Variants in NUGGC observed in about 807,000 individuals in gnomAD.
NUGGC encodes nuclear GTPase, germinal center associated, also known as nuclear GTPase SLIP-GC.
Under a neutral mutation model 92.6 loss-of-function variants are expected in NUGGC, and 58 were observed. The observed-to-expected ratio is 0.63, with a 90% confidence interval of 0.51 to 0.78. NUGGC has a LOEUF of 0.78. NUGGC is among the 30% of genes least tolerant of loss of function. The pLI is 0.00. For missense variants in NUGGC, 925 were observed against 964.6 expected, an observed-to-expected ratio of 0.96 and a Z score of 0.54; for synonymous variants, 376 against 366.4, an observed-to-expected ratio of 1.03 and a Z score of -0.30.
chr8:28,070,377 T>C (rs1169130785), intron 2 of NUGGC, 21 bp from the exon 3 acceptor site: 1 of 1,262,490 alleles, frequency 7.9e-7, no homozygotes, highest in Non-Finnish European at 1.1e-6. Context: ...ACAGAGGATA[T>C]ATAAGATTAT....
chr8:28,052,156 C>T (rs1313580000), intron 10 of NUGGC, among the ~76,000 whole-genome samples: 2 of 152,124 alleles, frequency 1.3e-5, no homozygotes, highest in Admixed American at 6.6e-5. Context: ...CATTGTGATC[C>T]CCAATCTTCA....
intron 1 of NUGGC, among the ~76,000 whole-genome samples, chr8:28,076,326 T>C (rs1439880784): frequency 6.6e-6 from 1 of 152,190 alleles, no homozygotes; most frequent in Non-Finnish European, 1.5e-5. Context: ...TGTGACAGAG[T>C]CTTGCTCTGT....
rs1312876963 is a variant in NUGGC, at chr8:28,068,399, G to T, written c.297C>A (p.Asp99Glu). 1 of 1,580,054 alleles carries T rather than the reference G, an allele frequency of 6.3e-7. No homozygotes were observed. Among genetic ancestry groups the T allele is most frequent in the Non-Finnish European group, 8.6e-7 (1 of 1,161,992 alleles). Residue 99 changes from aspartate to glutamate, a missense_variant, in exon 5 of 19, where the codon GAC becomes GAA. Coordinates refer to ENST00000413272, the MANE Select transcript of NUGGC (RefSeq NM_001010906.2). The stretch of plus-strand genomic sequence containing the variant: ...TTCCAAATAATGCAATGTAGATTGG[G>T]TCCACTGTCGGCTTTTCAATCAAGG... The part of the protein sequence containing the change: ...LLALIEKPTV[D>E]PIYIALFGST...
intron 13 of NUGGC, among the ~76,000 whole-genome samples, chr8:28,037,964 C>A (rs1809597905): frequency 6.6e-6 from 1 of 152,168 alleles, no homozygotes; most frequent in Non-Finnish European, 1.5e-5. Flanking sequence ...GGTTAACAAA[C>A]CCTGCTCCAG....
chr8:28,074,325 C>T (rs1305352265), intron 2 of NUGGC, 43 bp downstream of exon 2: 2 of 1,339,686 alleles, frequency 1.5e-6, no homozygotes, highest in African/African-American at 2.9e-5. Context: ...TATCAGTAAT[C>T]AGTTCCTATA....
chr8:28,069,602 T>C lies in NUGGC; in HGVS notation c.199A>G (p.Lys67Glu). Residue 67 changes from lysine to glutamate, a missense_variant, in exon 4 of 19, where the codon AAA (lysine) becomes GAA (glutamate). Transcript: ENST00000413272. ...TCCAGGAAGACAGACTGAATAAGTT[T>C]CTGATAAGTGTTGCTCAAAACCCTT... The part of the protein sequence containing the change: ...TRRVLSNTYQ[K>E]LIQSVFLDDS... The C allele has an allele frequency of 6.2e-7, 1 of 1,612,718 alleles. No individual in the cohort carries two copies.
At chr8:28,053,621 T>C (rs761187569) in intron 10 of NUGGC, among the ~76,000 whole-genome samples, 1 of 152,194 alleles carries the variant, frequency 6.6e-6, no homozygotes, top group African/African-American at 2.4e-5. Flanking sequence ...TCAGAAGAAC[T>C]TGCACCATAG....
At chr8:28,049,164 C>T (rs1585573859) in intron 10 of NUGGC, among the ~76,000 whole-genome samples, 2 of 152,180 alleles carry the variant, frequency 1.3e-5, no homozygotes, top group Admixed American at 6.5e-5. Context: ...GGTGAGAAGC[C>T]GTGTCCCTGG....
rs1000057778 is a variant in NUGGC at position 28,056,136 on chromosome 8, C to A, written c.1117-82G>T. 9.2e-6 allele frequency: 7 copies of A among 758,808 alleles called. No individual in the cohort carries two copies. The African/African-American group carries it at 1.2e-4, about 13-fold the overall frequency. 47.0% of individuals were successfully genotyped at this position (758,808 alleles called of 1,614,324 possible). On this transcript the variant is annotated intron_variant, in intron 9 of 18. Coordinates refer to ENST00000413272, the MANE Select transcript of NUGGC (RefSeq NM_001010906.2). The stretch of plus-strand genomic sequence containing the variant: ...GGTGGCAAGATGCACATTTTTTTGG[C>A]AGATTTTCATTTGGTCCAAACAGTC...
intron 8 of NUGGC, 87 bp from the exon 9 acceptor site, chr8:28,058,363 C>A (rs1023684010): frequency 7.3e-6 from 2 of 273,484 alleles, no homozygotes. Context: ...AAGCAGCACA[C>A]ACTCCCTGTG....
At chr8:28,031,971 C>G (rs1252751240) in intron 14 of NUGGC, among the ~76,000 whole-genome samples, 2 of 152,194 alleles carry the variant, frequency 1.3e-5, no homozygotes, top group African/African-American at 4.8e-5. Context: ...TGTAAAAAGA[C>G]AGAAGCCACT....
At position 28,060,551 on chromosome 8, in the gene NUGGC, A is replaced by G; in HGVS notation, c.972T>C (p.Val324=). The G allele has an allele frequency of 6.2e-7, 1 of 1,613,690 alleles. No individual in the cohort carries two copies. The highest frequency in any genetic ancestry group is 8.5e-7 in the Non-Finnish European group (1 of 1,179,784). Residue 324 remains valine, a synonymous_variant, in exon 8 of 19, where the codon GTT becomes GTC. Coordinates refer to ENST00000413272, the MANE Select transcript of NUGGC (RefSeq NM_001010906.2). ...VIWVISDIER[V]SGGQAHEDLL... ...GGTCTTCGTGGGCTTGCCCCCCAGA[A>G]ACTCGCTCTATGTCGCTGATCACCC...
rs572204120 is a variant in NUGGC at position 28,067,691 on chromosome 8, C to A, written c.534G>T (p.Glu178Asp). 1 of 1,614,012 alleles carries A rather than the reference C, an allele frequency of 6.2e-7. No homozygotes were observed. The highest frequency in any genetic ancestry group is 1.3e-5 in the African/African-American group (1 of 75,070). Residue 178 changes from glutamate (E) to aspartate (D), a missense_variant, in exon 6 of 19, where the codon GAG becomes GAT. Coordinates refer to ENST00000413272, the MANE Select transcript of NUGGC (RefSeq NM_001010906.2). ...NLTKLLHRTE[E>D]LSREEADAWN... ...ACGCATCTGCCTCTTCTCTGCTCAGCTCCTCCGTCCTATGCAGGAGTTTGG... is the reference window on the plus strand; with the variant it reads ...ACGCATCTGCCTCTTCTCTGCTCAGATCCTCCGTCCTATGCAGGAGTTTGG...
chr8:28,078,765 G>A (rs1443979673), intron 1 of NUGGC, among the ~76,000 whole-genome samples: 1 of 152,124 alleles, frequency 6.6e-6, no homozygotes, highest in Non-Finnish European at 1.5e-5. Flanking sequence ...TTGTATTAAG[G>A]AGAAAATGAG....
chr8:28,042,126 T>C (rs1230392798), intron 12 of NUGGC, among the ~76,000 whole-genome samples: 1 of 152,166 alleles, frequency 6.6e-6, no homozygotes, highest in East Asian at 1.9e-4. Context: ...CCCACAATGA[T>C]TGTGAGGCCT....
intron 13 of NUGGC, among the ~76,000 whole-genome samples, chr8:28,040,240 T>C (rs1809657735): frequency 6.6e-6 from 1 of 152,206 alleles, no homozygotes; most frequent in South Asian, 2.1e-4. Flanking sequence ...AATACTGCCT[T>C]ACACTTACAT....
intron 13 of NUGGC, among the ~76,000 whole-genome samples, chr8:28,038,774 G>C (rs1809619492): frequency 6.6e-6 from 1 of 152,202 alleles, no homozygotes; most frequent in South Asian, 2.1e-4. Flanking sequence ...ACAGGTGAGT[G>C]CAGCAGGAGT....
chr8:28,070,018 G>C (rs1411740147), intron 3 of NUGGC: 3 of 783,750 alleles, frequency 3.8e-6, no homozygotes, highest in Admixed American at 6.2e-5. Flanking sequence ...ATTTTCACAG[G>C]CTTTGTTCTA....
intron 10 of NUGGC, among the ~76,000 whole-genome samples, chr8:28,054,271 C>G (rs1178630567): frequency 6.6e-6 from 1 of 152,112 alleles, no homozygotes; most frequent in Non-Finnish European, 1.5e-5. Context: ...CACCAGAGGT[C>G]AGGAGTTCGA....
Sources: allele counts gnomAD v4.1 joint callset (sites outside exome capture counted in the v4.1 genomes callset), GRCh38; gene constraint gnomAD v4.1.1; transcripts MANE v1.5; gene names NCBI Gene and HGNC (gene_info 2026-07-23, HGNC 2026-07-21).